DYSF: variants seen among roughly 807,000 people sequenced by gnomAD.
The protein encoded by DYSF is dystrophy-associated fer-1-like 1.
A neutral mutation model predicts 274.9 loss-of-function variants in DYSF; 212 were observed. The ratio of observed to expected loss-of-function variants is 0.77; its 90% CI spans 0.69 to 0.86. The LOEUF (loss-of-function observed/expected upper bound fraction) is 0.86, where lower values mean the gene tolerates loss of function less well. Among genes scored for constraint, DYSF ranks in the 40% least tolerant of loss-of-function variants. The probability of loss-of-function intolerance (pLI) is 0.00; values close to 1 mark genes in which losing one functional copy is unlikely to be tolerated. For synonymous variants in DYSF, 1,091 were observed against 1,078.7 expected, an observed-to-expected ratio of 1.01 and a Z score of -0.22; for missense variants, 2,666 against 2,783.2, an observed-to-expected ratio of 0.96 and a Z score of 0.95.
At chr2:71,470,778 T>G (rs539072711) in intron 1 of DYSF, among the ~76,000 whole-genome samples, 40 of 140,184 alleles carry the variant, frequency 2.9e-4, no homozygotes, top group Non-Finnish European at 4.6e-4. Flanking sequence ...CCTTCCTTCC[T>G]TCCTTCATTC....
chr2:71,553,094 G>C lies in DYSF; in HGVS notation c.1890G>C (p.Gln630His). The C allele has an allele frequency of 6.2e-7, 1 of 1,614,170 alleles. No homozygotes were observed. The highest frequency in any genetic ancestry group is 2.2e-5 in the East Asian group (1 of 44,874). ...TGCAGGATGTGGATGATGCCATCCAGTTTGAGGTCAGCATCGGGAACTACG... is the reference window on the plus strand; with the variant it reads ...TGCAGGATGTGGATGATGCCATCCACTTTGAGGTCAGCATCGGGAACTACG... ...TMLQDVDDAI[Q>H]FEVSIGNYGN... is the part of the protein sequence containing the mutation. The change falls in exon 20 of 56, where the codon CAG becomes CAC. Residue 630 changes from glutamine (Q) to histidine (H), a missense_variant. Transcript: ENST00000410020.
intron 34 of DYSF, 168 bp from the exon 35 acceptor site, chr2:71,601,331 G>A (rs1408800027): frequency 4.6e-6 from 4 of 860,278 alleles, no homozygotes; most frequent in Non-Finnish European, 7.8e-6. Context: ...TGGGTGAAGT[G>A]TCTGGAGGAA....
At chr2:71,563,210 C>T (rs768747743) in intron 23 of DYSF, among the ~76,000 whole-genome samples, 4 of 152,224 alleles carry the variant, frequency 2.6e-5, no homozygotes, top group Non-Finnish European at 5.9e-5. Flanking sequence ...GTCAGAAAAA[C>T]CTGCATTGGC....
chr2:71,482,908 G>T (rs760773165), intron 3 of DYSF, among the ~76,000 whole-genome samples: 2 of 152,138 alleles, frequency 1.3e-5, no homozygotes, highest in African/African-American at 2.4e-5. Flanking sequence ...GCTCACAGGG[G>T]AGCCTTTGTT....
At position 71,561,874 on chromosome 2, in the gene DYSF, A is replaced by T; in HGVS notation, c.2339A>T (p.His780Leu). ...GCTGCCCTGGCCCTGAAGCTCGGCC[A>T]CAGTGAGCTCCCTGCAGCTCTGGAG... ...TEAALALKLG[H>L]SELPAALEQA... The change falls in exon 23 of 56, where the codon CAC (histidine) becomes CTC (leucine). Residue 780 changes from histidine to leucine, a missense_variant. His to Leu is a moderately conservative substitution (Grantham distance 99). Coordinates refer to ENST00000410020, the MANE Select transcript of DYSF (RefSeq NM_001130987.2). 1 of 1,614,138 alleles carries T rather than the reference A, an allele frequency of 6.2e-7. No homozygotes were observed. Among genetic ancestry groups the T allele is most frequent in the Non-Finnish European group, 8.5e-7 (1 of 1,180,016 alleles).
At chr2:71,665,770 T>C (rs1046084446) in intron 47 of DYSF, among the ~76,000 whole-genome samples, 1 of 152,198 alleles carries the variant, frequency 6.6e-6, no homozygotes, top group African/African-American at 2.4e-5. Flanking sequence ...CCCATGCATC[T>C]AAAGGATCCC....
intron 47 of DYSF, among the ~76,000 whole-genome samples, chr2:71,666,794 C>T (rs574522557): frequency 6.6e-6 from 1 of 152,344 alleles, no homozygotes; most frequent in African/African-American, 2.4e-5. Context: ...CTCTGTGCCT[C>T]AGATTTCTCT....
intron 51 of DYSF, among the ~76,000 whole-genome samples, chr2:71,671,331 T>C (rs1265360943): frequency 6.6e-6 from 1 of 152,204 alleles, no homozygotes; most frequent in East Asian, 1.9e-4. Flanking sequence ...TGTGCTTCCC[T>C]GACATGAGCC....
chr2:71,482,159 G>C (rs953471227), intron 3 of DYSF, among the ~76,000 whole-genome samples, 189 bp downstream of exon 3: 1 of 152,180 alleles, frequency 6.6e-6, no homozygotes, highest in Non-Finnish European at 1.5e-5. Flanking sequence ...CTCAGCCATG[G>C]GTACAGCTGA....
In DYSF at chr2:71,643,941, G is replaced by T. The variant is rs543878367; in HGVS notation, c.4528-24G>T. On this transcript the variant is annotated intron_variant, in intron 41 of 55. Transcript: ENST00000410020. ...CTTGGCGAGTCCTGTTTCTGAAATG[G>T]TCTCTTTCTTTCTACCCACTCAGGA... 39 of 1,577,274 alleles carry T rather than the reference G, an allele frequency of 2.5e-5. No homozygotes were observed. The East Asian group carries it at 8.1e-4, about 33-fold the overall frequency.
At chr2:71,595,111 A>G (rs1235185480) in intron 32 of DYSF, among the ~76,000 whole-genome samples, 1 of 152,190 alleles carries the variant, frequency 6.6e-6, no homozygotes, top group Non-Finnish European at 1.5e-5. Context: ...AAGGGTATAA[A>G]TGGTTTTATG....
In DYSF at chr2:71,620,561, G is replaced by A. The variant is rs1226370881; in HGVS notation, c.4479G>A (p.Leu1493=). The A allele has an allele frequency of 7.7e-6, 12 of 1,551,574 alleles. No individual in the cohort carries two copies. The East Asian group carries it at 2.4e-4, about 32-fold the overall frequency. The part of the protein sequence containing the change: ...PLIPIQLADG[L]SSLAPTNTAS... ...TTCATTTGTAGCTTGCAGACGGTCT[G>A]TCGAGCTTGGCCCCCACTAACACGG... Residue 1493 remains leucine, a synonymous_variant, in exon 41 of 56, where the codon CTG becomes CTA. Coordinates refer to ENST00000410020, the MANE Select transcript of DYSF (RefSeq NM_001130987.2).
chr2:71,581,530 A>G (rs2092899506), intron 30 of DYSF, among the ~76,000 whole-genome samples: 1 of 152,184 alleles, frequency 6.6e-6, no homozygotes, highest in Non-Finnish European at 1.5e-5. Flanking sequence ...CAGCCAGGGA[A>G]ATGAAGTGGG....
intron 49 of DYSF, 34 bp from the exon 50 acceptor site, chr2:71,669,078 A>G: frequency 6.5e-7 from 1 of 1,544,958 alleles, no homozygotes; most frequent in Non-Finnish European, 8.8e-7. Context: ...TTTGGTAGGA[A>G]ATCTAGGTGG....
intron 41 of DYSF, among the ~76,000 whole-genome samples, chr2:71,631,901 C>G (rs1269485903): frequency 6.6e-6 from 1 of 152,094 alleles, no homozygotes; most frequent in Non-Finnish European, 1.5e-5. Context: ...AACTTCAGGG[C>G]TCCATCAGGG....
chr2:71,653,908 TATAAC>T (rs1392043353), intron 42 of DYSF, among the ~76,000 whole-genome samples: 3 of 151,644 alleles, frequency 2.0e-5, no homozygotes, highest in East Asian at 1.9e-4. Flanking sequence ...TAACCATAAA[TATAAC>T]ATAAACACAA....
intron 41 of DYSF, among the ~76,000 whole-genome samples, chr2:71,622,638 T>G (rs952626218): frequency 2.6e-5 from 4 of 152,182 alleles, no homozygotes; most frequent in Admixed American, 6.5e-5. Context: ...GTTTTTGAGA[T>G]GGAGTCTTGC....
Position 71,630,269 on chromosome 2 carries a change from AC to A in DYSF, c.4527+9662del, listed in dbSNP as rs754444679. Among the ~76,000 whole-genome samples the A allele has an allele frequency of 3.9e-5, 6 of 152,318 alleles. No homozygotes were observed. In the East Asian group the frequency reaches 9.7e-4, roughly 25 times the overall value. ...GCAGGGTGGGAGAAGTAAGAAGGAA[AC>A]CAGGATCAGAGGCAGCTATGTGGGG... On this transcript the variant is annotated intron_variant, in intron 41 of 55. Transcript: ENST00000410020.
intron 11 of DYSF, 120 bp from the exon 12 acceptor site, chr2:71,520,669 C>A: frequency 1.2e-6 from 1 of 834,144 alleles, no homozygotes; most frequent in Non-Finnish European, 2.1e-6. Context: ...GAGTCCTGAG[C>A]TCATGGCCCA....
Sources: allele counts gnomAD v4.1 joint callset (sites outside exome capture counted in the v4.1 genomes callset), GRCh38; gene constraint gnomAD v4.1.1; transcripts MANE v1.5; gene names NCBI Gene and HGNC (gene_info 2026-07-23, HGNC 2026-07-21).